Variants in SCN3B observed in about 807,000 individuals in gnomAD.
The protein encoded by SCN3B is sodium voltage-gated channel beta subunit 3.
In SCN3B, 11 loss-of-function variants were observed where a neutral mutation model predicts 25.4. The observed-to-expected ratio is 0.43, with a 90% CI of 0.27 to 0.72. SCN3B has a LOEUF of 0.72. Among genes scored for constraint, SCN3B ranks in the 30% least tolerant of loss-of-function variants. The pLI, the probability that SCN3B is intolerant of heterozygous loss-of-function variation, is 0.18. For missense variants in SCN3B, 218 were observed against 278.3 expected (o/e 0.78, Z 1.54); for synonymous variants, 109 against 110.7 (o/e 0.99, Z 0.09).
intron 1 of SCN3B, 119 bp from the exon 2 acceptor site, chr11:123,653,945 G>C (rs950943925): frequency 1.4e-4 from 133 of 957,196 alleles, no homozygotes; most frequent in Non-Finnish European, 1.9e-4. Context: ...GCCGAGCACC[G>C]GTGCCTGGGG....
At position 123,642,249 on chromosome 11, in the gene SCN3B, A is replaced by G. The variant is rs76323658; in HGVS notation, c.445+197T>C. Among the ~76,000 whole-genome samples, 5,630 of 152,256 alleles carry G rather than the reference A, an allele frequency of 0.037. 236 individuals carry two copies. The highest frequency in any genetic ancestry group is 0.098 in the African/African-American group (4,071 of 41,526). Reference sequence around the variant, plus strand: ...TTCTGCTTTGAGGAAAGGCACAGAAAGACAAGCTGCTTAGGGAATTTACAG... The same window carrying G: ...TTCTGCTTTGAGGAAAGGCACAGAAGGACAAGCTGCTTAGGGAATTTACAG... On this transcript the variant is annotated intron_variant, in intron 4 of 6. Coordinates refer to ENST00000299333, the MANE Select transcript of SCN3B (RefSeq NM_001040151.2). This position sits in a 1 kb window ranked among gnomAD's most constrained non-coding sequence, Gnocchi z 4.3.
chr11:123,635,986 T>C (rs1280603113), intron 5 of SCN3B, among the ~76,000 whole-genome samples: 1 of 152,234 alleles, frequency 6.6e-6, no homozygotes, highest in Non-Finnish European at 1.5e-5. Context: ...AGAAATCTAA[T>C]GGGCATTTTG....
Position 123,632,445 on chromosome 11 carries a change from T to C in SCN3B, c.*1354A>G, listed in dbSNP as rs1955683107. On this transcript the variant is annotated 3_prime_UTR_variant, in exon 7 of 7. Coordinates refer to ENST00000299333, the MANE Select transcript of SCN3B (RefSeq NM_001040151.2). ...GAGTTGACCTCAGCCCAGTCCGTGC[T>C]TGTGAAAGAAGCATTGCCATAGACA... The C allele has an allele frequency of 1.3e-5, 2 of 152,226 alleles. No individual in the cohort carries two copies. Among genetic ancestry groups the C allele is most frequent in the African/African-American group, 4.8e-5 (2 of 41,448 alleles). 9.4% of individuals were successfully genotyped at this position (152,226 alleles called of 1,614,324 possible).
intron 4 of SCN3B, 95 bp from the exon 5 acceptor site, chr11:123,638,419 T>C (rs1024041923): frequency 1.4e-5 from 21 of 1,523,588 alleles, no homozygotes; most frequent in African/African-American, 4.1e-5. Flanking sequence ...AAATAAAGAC[T>C]GAGTAAAGAA....
At chr11:123,651,826 G>C (rs1367400728) in intron 2 of SCN3B, among the ~76,000 whole-genome samples, 1 of 152,174 alleles carries the variant, frequency 6.6e-6, no homozygotes, top group Non-Finnish European at 1.5e-5. Context: ...GTTTTTTGGG[G>C]TCGGGGAGGG....
At chr11:123,643,396 C>G (rs987649155) in intron 3 of SCN3B, among the ~76,000 whole-genome samples, 1 of 152,276 alleles carries the variant, frequency 6.6e-6, no homozygotes, top group African/African-American at 2.4e-5. Context: ...AAACTCATTT[C>G]TGACTCTAGC....
At chr11:123,641,680 G>A (rs1011475374) in intron 4 of SCN3B, among the ~76,000 whole-genome samples, 3 of 152,128 alleles carry the variant, frequency 2.0e-5, no homozygotes, top group South Asian at 2.1e-4. Flanking sequence ...TCCCACTCAC[G>A]AACACGGAAC....
In SCN3B at chr11:123,645,733, C is replaced by A. The variant is rs746954414; in HGVS notation, c.73G>T (p.Val25Leu). 71 of 1,613,956 alleles carry A rather than the reference C, an allele frequency of 4.4e-5. No homozygotes were observed. The highest frequency in any genetic ancestry group is 5.8e-5 in the Non-Finnish European group (69 of 1,180,038). Residue 25 changes from valine (V) to leucine (L), a missense_variant, in exon 3 of 7, where the codon GTG (valine) becomes TTG (leucine). Coordinates refer to ENST00000299333, the MANE Select transcript of SCN3B (RefSeq NM_001040151.2). ...LIYWVSVCFP[V>L]CVEVPSETEA... Reference sequence around the variant, plus strand: ...GTCTCCGAGGGCACTTCCACACACACAGGGAAGCAGACACTGACTGCAGAG... The same window carrying A: ...GTCTCCGAGGGCACTTCCACACACAAAGGGAAGCAGACACTGACTGCAGAG...
intron 2 of SCN3B, among the ~76,000 whole-genome samples, chr11:123,653,111 G>A (rs1955945864): frequency 6.6e-6 from 1 of 150,820 alleles, no homozygotes. Context: ...TAACACCAAA[G>A]CATCTTAGTT....
In SCN3B at chr11:123,642,428, C is replaced by G; in HGVS notation, c.445+18G>C. The G allele has an allele frequency of 6.2e-7, 1 of 1,613,420 alleles. No homozygotes were observed. The highest frequency in any genetic ancestry group is 8.5e-7 in the Non-Finnish European group (1 of 1,179,412). ...ACAGAGAGCAGGACGCCCTAGAGAC[C>G]CTGTGCCTCAGCCTCACCCTCCTCG... On this transcript the variant is annotated intron_variant, in intron 4 of 6. Coordinates refer to ENST00000299333, the MANE Select transcript of SCN3B (RefSeq NM_001040151.2). This position sits in a 1 kb window ranked among gnomAD's most constrained non-coding sequence, Gnocchi z 4.3.
Position 123,648,592 on chromosome 11 carries a change from G to A in SCN3B, c.56-2842C>T, listed in dbSNP as rs555177609. Among the ~76,000 whole-genome samples the A allele has an allele frequency of 9.3e-5, 14 of 151,246 alleles. No homozygotes were observed. In the East Asian group the frequency reaches 2.5e-3, roughly 27 times the overall value. On this transcript the variant is annotated intron_variant, in intron 2 of 6. Transcript: ENST00000299333. ...GCAACATTAAATAGTAAAAAGTGCT[G>A]TGAGAAAAAATAAAACAGGAGAGAG...
rs536849892 is a variant in SCN3B, at chr11:123,653,983, G to A, written c.-25-157C>T. 15 of 672,610 alleles carry A rather than the reference G, an allele frequency of 2.2e-5. No individual in the cohort carries two copies. In the South Asian group the frequency reaches 2.6e-4, roughly 12 times the overall value. The allele number at this position is 672,610 out of a possible 1,614,324, so 41.7% of individuals were successfully genotyped here. On this transcript the variant is annotated intron_variant, in intron 1 of 6. Coordinates refer to ENST00000299333, the MANE Select transcript of SCN3B (RefSeq NM_001040151.2). ...GCCCTGGGAGCTTTTGGAGCCGGGT[G>A]GGGGCTTTGGGCCCTAAGCGACCCC...
intron 2 of SCN3B, among the ~76,000 whole-genome samples, chr11:123,646,229 A>G (rs1955852348): frequency 6.6e-6 from 1 of 152,244 alleles, no homozygotes; most frequent in Non-Finnish European, 1.5e-5. Flanking sequence ...GGGAACACAT[A>G]TTCCTAACTA....
rs80249747 is a variant in SCN3B, at chr11:123,651,967, T to C, written c.55+1780A>G. 1.0e-3 allele frequency among the ~76,000 whole-genome samples: 153 copies of C among 152,314 alleles called. 3 individuals are homozygous for C. The East Asian group carries it at 0.028, about 28-fold the overall frequency. On this transcript the variant is annotated intron_variant, in intron 2 of 6. Transcript: ENST00000299333. ...TTACACAGAAGGAACCAGATAGCAC[T>C]TTAAGGTTGTTATATAGTAAGCTAG...
In SCN3B at chr11:123,653,938, G is replaced by A. The variant is rs1036347448; in HGVS notation, c.-25-112C>T. On this transcript the variant is annotated intron_variant, in intron 1 of 6. Transcript: ENST00000299333. ...CGACTTTCTGACCGAAGGAAGGGCC[G>A]AGCACCGGTGCCTGGGGAGGCCCTG... 1.4e-5 allele frequency: 14 copies of A among 1,007,278 alleles called. No homozygotes were observed. In the African/African-American group the frequency reaches 1.4e-4, roughly 10 times the overall value. The allele number at this position is 1,007,278 out of a possible 1,614,324, so 62.4% of individuals were successfully genotyped here. A position where few individuals can be genotyped will look rare whatever the true frequency, so the allele number is the denominator to read the frequency against.
chr11:123,633,280 C>T lies in SCN3B; in HGVS notation c.*519G>A, dbSNP rs977233442. 6.6e-6 allele frequency: 1 copy of T among 152,246 alleles called. No homozygotes were observed. The highest frequency in any genetic ancestry group is 1.5e-5 in the Non-Finnish European group (1 of 68,084). The allele number at this position is 152,246 out of a possible 1,614,324, so 9.4% of individuals were successfully genotyped here. On this transcript the variant is annotated 3_prime_UTR_variant, in exon 7 of 7. Transcript: ENST00000299333. ...GGCGTGCTTCACTCTGATGCTGTAG[C>T]AAAGTGGGCCATGAACCTGACAAAA...
At chr11:123,635,344 T>C (rs1031324346) in intron 5 of SCN3B, among the ~76,000 whole-genome samples, 7 of 152,188 alleles carry the variant, frequency 4.6e-5, no homozygotes, top group Admixed American at 1.3e-4. Context: ...GTCCATTTCG[T>C]ATGCCTGTGC....
chr11:123,653,837 A>T lies in SCN3B; in HGVS notation c.-25-11T>A, dbSNP rs1328817197. ...TGGCGGCTTCCAAGGCTACACAGAG[A>T]GATTCCCTCGGTCAAGGACTGCGCC... On this transcript the variant is annotated splice_polypyrimidine_tract_variant and intron_variant, in intron 1 of 6. Transcript: ENST00000299333. 5 of 1,611,814 alleles carry T rather than the reference A, an allele frequency of 3.1e-6. No homozygotes were observed. In the African/African-American group the frequency reaches 6.7e-5, roughly 22 times the overall value.
chr11:123,637,767 T>C (rs1209293951), intron 5 of SCN3B, among the ~76,000 whole-genome samples: 1 of 151,898 alleles, frequency 6.6e-6, no homozygotes, highest in African/African-American at 2.4e-5. Context: ...TGACCTCAGG[T>C]GATCCTCCCG....
Sources: allele counts gnomAD v4.1 joint callset (sites outside exome capture counted in the v4.1 genomes callset), GRCh38; gene constraint gnomAD v4.1.1; non-coding constraint Gnocchi (gnomAD v3.1); transcripts MANE v1.5; gene names NCBI Gene and HGNC (gene_info 2026-07-23, HGNC 2026-07-21).